The following SUFU variants were observed in gnomAD, a reference collection of about 807,000 sequenced individuals.
SUFU encodes SUFU negative regulator of hedgehog signaling.
In SUFU, 7 loss-of-function variants were observed where a neutral mutation model predicts 58.9. The ratio of observed to expected loss-of-function variants is 0.12; its 90% CI spans 0.07 to 0.22. The LOEUF (loss-of-function observed/expected upper bound fraction) is 0.22. SUFU is among the 10% of genes least tolerant of loss of function. The pLI is 1.00. For missense variants in SUFU, 451 were observed against 641.3 expected, an observed-to-expected ratio of 0.70 and a Z score of 3.20; for synonymous variants, 232 against 254.8, an observed-to-expected ratio of 0.91 and a Z score of 0.85.
chr10:102,572,236 T>TC (rs1423698695), intron 3 of SUFU, among the ~76,000 whole-genome samples: 1 of 150,642 alleles, frequency 6.6e-6, no homozygotes, highest in East Asian at 2.0e-4. Flanking sequence ...TGGATAATTT[T>TC]TTTTTTTTTT....
intron 2 of SUFU, among the ~76,000 whole-genome samples, chr10:102,531,082 CAAAAAAAAAAA>C (rs5787463): frequency 3.1e-5 from 3 of 95,424 alleles, no homozygotes; most frequent in African/African-American, 1.2e-4. Context: ...CCATTTCTAC[CAAAAAAAAAAA>C]AAAAAAAAAA....
chr10:102,596,948 G>A (rs1269870637), intron 6 of SUFU, among the ~76,000 whole-genome samples, 192 bp from the exon 7 acceptor site: 1 of 152,078 alleles, frequency 6.6e-6, no homozygotes, highest in African/African-American at 2.4e-5. Flanking sequence ...GAGGAGTCCA[G>A]GAGCTGGCAG....
At chr10:102,589,181 G>T (rs1010671075) in intron 3 of SUFU, among the ~76,000 whole-genome samples, 1 of 152,052 alleles carries the variant, frequency 6.6e-6, no homozygotes, top group Non-Finnish European at 1.5e-5. Context: ...TCCTACCTCG[G>T]CCTCTGAAAG....
chr10:102,591,960 C>G (rs192437217), intron 3 of SUFU, among the ~76,000 whole-genome samples: 1 of 152,330 alleles, frequency 6.6e-6, no homozygotes, highest in Admixed American at 6.5e-5. Flanking sequence ...GAGACATGGC[C>G]TGAGGATCCT....
chr10:102,588,453 C>T (rs2063359329), intron 3 of SUFU, among the ~76,000 whole-genome samples: 1 of 151,904 alleles, frequency 6.6e-6, no homozygotes, highest in African/African-American at 2.4e-5. Flanking sequence ...TATTTCAGGC[C>T]TCTCAATTCT....
At chr10:102,523,828 A>G (rs950636413) in intron 2 of SUFU, among the ~76,000 whole-genome samples, 3 of 152,238 alleles carry the variant, frequency 2.0e-5, no homozygotes, top group Admixed American at 1.3e-4. Flanking sequence ...CAGTGGCTTC[A>G]TGTCTCACTT....
intron 3 of SUFU, among the ~76,000 whole-genome samples, chr10:102,575,218 T>A (rs889906931): frequency 1.3e-5 from 2 of 152,130 alleles, no homozygotes; most frequent in South Asian, 4.1e-4. Flanking sequence ...TGTCTCAAAA[T>A]TTTTTTAAAA....
intron 2 of SUFU, among the ~76,000 whole-genome samples, chr10:102,524,889 G>A (rs938845348): frequency 1.2e-4 from 19 of 152,162 alleles, no homozygotes; most frequent in African/African-American, 4.6e-4. Flanking sequence ...TTTTCCGACT[G>A]TTGGAAAAAT....
chr10:102,629,940 A>G lies in SUFU; in HGVS notation c.1366-126A>G. On this transcript the variant is annotated intron_variant, in intron 11 of 11. Transcript: ENST00000369902. The surrounding 1 kb of genome is among the most constrained non-coding windows in gnomAD (Gnocchi z 4.7). Reference sequence around the variant, plus strand: ...ACCTGGGTCTAGCATTTGAGAATGAAGCCACGCCTCCCGCGGCCTGTCCTA... The same window carrying G: ...ACCTGGGTCTAGCATTTGAGAATGAGGCCACGCCTCCCGCGGCCTGTCCTA... The G allele has an allele frequency of 1.1e-6, 1 of 883,696 alleles. No individual in the cohort carries two copies. The highest frequency in any genetic ancestry group is 1.3e-5 in the South Asian group (1 of 76,022). The allele number at this position is 883,696 out of a possible 1,614,324, so 54.7% of individuals were successfully genotyped here.
At chr10:102,549,567 G>A (rs961051001) in intron 2 of SUFU, among the ~76,000 whole-genome samples, 1 of 152,208 alleles carries the variant, frequency 6.6e-6, no homozygotes, top group African/African-American at 2.4e-5. Context: ...GTGGCTCACA[G>A]GACATGTATC....
intron 7 of SUFU, among the ~76,000 whole-genome samples, chr10:102,597,759 G>A (rs1331945539): frequency 6.6e-6 from 1 of 152,242 alleles, no homozygotes; most frequent in African/African-American, 2.4e-5. Flanking sequence ...TGTGAGGCTG[G>A]CTTGCAAATT....
At chr10:102,513,267 C>A (rs2062423541) in intron 2 of SUFU, among the ~76,000 whole-genome samples, 1 of 152,124 alleles carries the variant, frequency 6.6e-6, no homozygotes. Context: ...AAAGCTAGGC[C>A]AGAAAGGCAA....
intron 7 of SUFU, 81 bp downstream of exon 7, chr10:102,597,374 G>T: frequency 6.6e-7 from 1 of 1,509,842 alleles, no homozygotes; most frequent in Admixed American, 2.2e-5. Flanking sequence ...TCTAGGATGG[G>T]TCTCTAACAA....
chr10:102,614,961 G>A (rs1487863383), intron 8 of SUFU, among the ~76,000 whole-genome samples: 1 of 151,592 alleles, frequency 6.6e-6, no homozygotes, highest in Non-Finnish European at 1.5e-5. Context: ...TCTCAACTCT[G>A]CCCACTCCCT....
At chr10:102,591,860 G>T (rs11191347) in intron 3 of SUFU, among the ~76,000 whole-genome samples, 3 of 151,928 alleles carry the variant, frequency 2.0e-5, no homozygotes, top group African/African-American at 4.8e-5. Flanking sequence ...CTAAAGTAAC[G>T]TACCTGCTTG....
chr10:102,541,825 C>T (rs977389644), intron 2 of SUFU, among the ~76,000 whole-genome samples: 2 of 149,480 alleles, frequency 1.3e-5, no homozygotes, highest in African/African-American at 4.9e-5. Flanking sequence ...TCTCCTGCCT[C>T]AGCTTCCCTA....
chr10:102,513,839 C>T (rs1037633198), intron 2 of SUFU, among the ~76,000 whole-genome samples: 1 of 152,160 alleles, frequency 6.6e-6, no homozygotes, highest in Non-Finnish European at 1.5e-5. Flanking sequence ...TTATTTACTT[C>T]ATGTTCCTTT....
chr10:102,551,717 C>CTTTTT (rs771685480), intron 3 of SUFU, among the ~76,000 whole-genome samples: 51 of 68,734 alleles, frequency 7.4e-4, no homozygotes, highest in East Asian at 1.8e-3. Flanking sequence ...TATGTGCCTT[C>CTTTTT]TTTTTTTTTT....
intron 2 of SUFU, among the ~76,000 whole-genome samples, chr10:102,516,917 A>T (rs1313731173): frequency 6.8e-6 from 1 of 147,912 alleles, no homozygotes; most frequent in Non-Finnish European, 1.5e-5. Flanking sequence ...TGAGGTCAGG[A>T]GTTCGAGACC....
Sources: gnomAD v4.1 joint callset for allele counts (sites outside exome capture counted in the v4.1 genomes callset) on GRCh38, gnomAD v4.1.1 for gene constraint, Gnocchi (gnomAD v3.1) non-coding constraint, MANE v1.5 for transcripts, NCBI Gene and HGNC (gene_info 2026-07-23, HGNC 2026-07-21) for gene names.